DRAXIN: variants seen among roughly 807,000 people sequenced by gnomAD.
The protein encoded by DRAXIN is dorsal inhibitory axon guidance protein.
DRAXIN carries 27 observed loss-of-function variants against 33.9 expected under a neutral mutation model. The ratio of observed to expected loss-of-function variants is 0.80; its 90% confidence interval spans 0.59 to 1.10. DRAXIN has a LOEUF of 1.10. DRAXIN is among the 50% of genes least tolerant of loss of function. The pLI is 0.00. For synonymous variants in DRAXIN, 178 were observed against 194.0 expected (o/e 0.92, Z 0.69); for missense variants, 371 against 460.8 (o/e 0.81, Z 1.78).
rs1452229629 is a variant in DRAXIN at position 11,692,346 on chromosome 1, C to T, written c.-11+493C>T. 6.6e-6 allele frequency among the ~76,000 whole-genome samples: 1 copy of T among 152,106 alleles called. No homozygotes were observed. The highest frequency in any genetic ancestry group is 1.5e-5 in the Non-Finnish European group (1 of 68,012). ...GCCCCGGGCAGAGCTGGCGGGCGTG[C>T]CCTCCAGCCCCTTTCGAGGCCGCCC... On this transcript the variant is annotated intron_variant, in intron 1 of 6. Transcript: ENST00000294485. The surrounding 1 kb of genome is among the most constrained non-coding windows in gnomAD (Gnocchi z 5.8).
intron 2 of DRAXIN, among the ~76,000 whole-genome samples, chr1:11,709,053 G>C (rs1230665659): frequency 6.6e-6 from 1 of 152,200 alleles, no homozygotes; most frequent in Non-Finnish European, 1.5e-5. Context: ...TCCTTGGACT[G>C]TCTCCCCAGC....
Position 11,710,629 on chromosome 1 carries a change from T to C in DRAXIN, c.642+1164T>C, listed in dbSNP as rs114534005. 6.2e-3 allele frequency among the ~76,000 whole-genome samples: 948 copies of C among 152,134 alleles called. 6 individuals carry two copies. Among genetic ancestry groups the C allele is most frequent in the African/African-American group, 0.021 (887 of 41,480 alleles). ...ACCTCTTCTGTGGCTTTTAAAGGTT[T>C]TCAGGCCGGGCGCGGTGGCTCATGC... On this transcript the variant is annotated intron_variant, in intron 3 of 6. Transcript: ENST00000294485.
chr1:11,718,175 G>A lies in DRAXIN; in HGVS notation c.938-1409G>A, dbSNP rs184003251. On this transcript the variant is annotated intron_variant, in intron 6 of 6. Transcript: ENST00000294485. ...AAAAAAAAAATACAAAATTAGCTGG[G>A]TGTGGTGGCGCATGCCTGTAATCCC... 4.6e-3 allele frequency among the ~76,000 whole-genome samples: 699 copies of A among 150,514 alleles called. 4 individuals are homozygous for A. Among genetic ancestry groups the A allele is most frequent in the African/African-American group, 0.016 (641 of 40,864 alleles).
At chr1:11,703,364 A>G (rs1239688507) in intron 1 of DRAXIN, among the ~76,000 whole-genome samples, 1 of 152,078 alleles carries the variant, frequency 6.6e-6, no homozygotes, top group African/African-American at 2.4e-5. Flanking sequence ...ACGGAGAGAG[A>G]TGAGGGAGAG....
chr1:11,714,133 G>A (rs1641538420), intron 5 of DRAXIN, among the ~76,000 whole-genome samples: 1 of 152,166 alleles, frequency 6.6e-6, no homozygotes, highest in African/African-American at 2.4e-5. Flanking sequence ...TGAGCCTCGG[G>A]GGTCAAGGCT....
upstream of DRAXIN, chr1:11,691,565 C>A (rs912459162): frequency 6.6e-6 from 1 of 151,782 alleles, no homozygotes; most frequent in South Asian, 2.1e-4. Context: ...CTGGCGAGGG[C>A]GCGCTGGCCG....
rs973532738 is a variant in DRAXIN, at chr1:11,723,163, A to C, written c.*3467A>C. ...TTAGTTTAATTTTCTAAAACCATTTAAAAGTGCAAAAACTGCTCTTTGCTT... is the reference window on the plus strand; with the variant it reads ...TTAGTTTAATTTTCTAAAACCATTTCAAAGTGCAAAAACTGCTCTTTGCTT... On this transcript the variant is annotated 3_prime_UTR_variant, in exon 7 of 7. Transcript: ENST00000294485. 6.6e-6 allele frequency: 1 copy of C among 152,144 alleles called. No individual in the cohort carries two copies. The highest frequency in any genetic ancestry group is 6.6e-5 in the Admixed American group (1 of 15,264). The allele number at this position is 152,144 out of a possible 1,614,324, so 9.4% of individuals were successfully genotyped here.
rs1557693368 is a variant in DRAXIN, at chr1:11,715,226, TG to T, written c.937+19del. The T allele has an allele frequency of 6.2e-7, 1 of 1,614,118 alleles. No homozygotes were observed. The highest frequency in any genetic ancestry group is 1.7e-5 in the Admixed American group (1 of 60,026). On this transcript the variant is annotated intron_variant, in intron 6 of 6. Transcript: ENST00000294485. ...TGTGGAAGGTGGGTCCAGACTCCTT[TG>T]CGGGGGGCTACCCATGCTCTGAGAA...
Position 11,712,346 on chromosome 1 carries a change from A to G in DRAXIN, c.764A>G (p.His255Arg). Residue 255 changes from histidine (H) to arginine (R), a missense_variant, in exon 5 of 7, where the codon CAC becomes CGC. Coordinates refer to ENST00000294485, the MANE Select transcript of DRAXIN (RefSeq NM_198545.4). ...CAGATCTTCTTATCCCCAGAGAAAC[A>G]CCGCGGTAAACTCTCCAGTGATGGT... Reference protein sequence around the residue: ...GWPSAKKKEKHRGKLSSDGNE... With the variant: ...GWPSAKKKEKRRGKLSSDGNE... The G allele has an allele frequency of 6.2e-7, 1 of 1,613,782 alleles. No homozygotes were observed. Among genetic ancestry groups the G allele is most frequent in the Non-Finnish European group, 8.5e-7 (1 of 1,179,896 alleles).
At chr1:11,714,676 G>A (rs981085694) in intron 5 of DRAXIN, among the ~76,000 whole-genome samples, 12 of 152,234 alleles carry the variant, frequency 7.9e-5, no homozygotes, top group African/African-American at 1.9e-4. Flanking sequence ...GAAAAGGCCC[G>A]CATTTGGGCC....
chr1:11,688,943 G>C (rs185444776), upstream of DRAXIN, among the ~76,000 whole-genome samples: 275 of 152,280 alleles, frequency 1.8e-3, 1 homozygote, highest in African/African-American at 6.2e-3. This position sits in a 1 kb window ranked among gnomAD's most constrained non-coding sequence, Gnocchi z 4.6. Context: ...TCCCACCAGT[G>C]CCATGGCAGT....
chr1:11,713,215 A>G (rs1165701237), intron 5 of DRAXIN, among the ~76,000 whole-genome samples: 2 of 151,340 alleles, frequency 1.3e-5, no homozygotes, highest in African/African-American at 2.4e-5. Context: ...AAAAAAATAC[A>G]TTACTCACAA....
rs765384903 is a variant in DRAXIN, at chr1:11,706,451, A to G, written c.193A>G (p.Lys65Glu). 1.7e-5 allele frequency: 27 copies of G among 1,611,336 alleles called. No individual in the cohort carries two copies. In the South Asian group the frequency reaches 3.0e-4, roughly 18 times the overall value. The change falls in exon 2 of 7, where the codon AAG becomes GAG. Residue 65 changes from lysine (K) to glutamate (E), a missense_variant. Coordinates refer to ENST00000294485, the MANE Select transcript of DRAXIN (RefSeq NM_198545.4). This position sits in a 1 kb window ranked among gnomAD's most constrained non-coding sequence, Gnocchi z 5.5. ...CCACCGCCGGCGGGGCCCGGGCAAG[A>G]AGGAGTGGGGCCCAGGCCTGCCCAG... The part of the protein sequence containing the change: ...SHHRRRGPGK[K>E]EWGPGLPSQA...
At chr1:11,703,349 C>T (rs1012681083) in intron 1 of DRAXIN, among the ~76,000 whole-genome samples, 5 of 151,980 alleles carry the variant, frequency 3.3e-5, no homozygotes, top group African/African-American at 1.2e-4. Flanking sequence ...ATGGGCAGGA[C>T]GTGGACGGAG....
chr1:11,706,692 G>T lies in DRAXIN; in HGVS notation c.434G>T (p.Arg145Met), dbSNP rs1000667453. The change falls in exon 2 of 7, where the codon AGG (arginine) becomes ATG (methionine). Residue 145 changes from arginine to methionine, a missense_variant. Arg to Met is a moderately conservative substitution (Grantham distance 91). Coordinates refer to ENST00000294485, the MANE Select transcript of DRAXIN (RefSeq NM_198545.4). The surrounding 1 kb of genome is among the most constrained non-coding windows in gnomAD (Gnocchi z 5.5). Reference sequence around the variant, plus strand: ...AGGGAGCACAAGAGACGCAGGGACAGGTTGAGGCTGCACCAAGGTAGCTGG... The same window carrying T: ...AGGGAGCACAAGAGACGCAGGGACATGTTGAGGCTGCACCAAGGTAGCTGG... The part of the protein sequence containing the change: ...RSREHKRRRD[R>M]LRLHQGRALV... 8 of 1,581,960 alleles carry T rather than the reference G, an allele frequency of 5.1e-6. No individual in the cohort carries two copies. In the Middle Eastern group the frequency reaches 8.5e-4, roughly 167 times the overall value.
At chr1:11,689,244 G>A (rs774999900), upstream of DRAXIN, among the ~76,000 whole-genome samples, 8 of 140,476 alleles carry the variant, frequency 5.7e-5, no homozygotes, top group South Asian at 2.3e-4. Flanking sequence ...GCAGTGAGCC[G>A]AGACTGTGCC....
Position 11,724,460 on chromosome 1 carries a change from C to G in DRAXIN, c.*4764C>G, listed in dbSNP as rs1056450037. On this transcript the variant is annotated 3_prime_UTR_variant, in exon 7 of 7. Coordinates refer to ENST00000294485, the MANE Select transcript of DRAXIN (RefSeq NM_198545.4). ...CCATGCCTGCTGGGAATAGGCTGAG[C>G]ATGCAATGACATGAGGGCCAAGGCT... 1 of 152,282 alleles carries G rather than the reference C, an allele frequency of 6.6e-6. No homozygotes were observed. Among genetic ancestry groups the G allele is most frequent in the Admixed American group, 6.5e-5 (1 of 15,280 alleles). The allele number at this position is 152,282 out of a possible 1,614,324, so 9.4% of individuals were successfully genotyped here. A position where few individuals can be genotyped will look rare whatever the true frequency, so the allele number is the denominator to read the frequency against.
intron 6 of DRAXIN, 61 bp from the exon 7 acceptor site, chr1:11,719,523 G>A (rs1401878866): frequency 9.0e-6 from 13 of 1,446,614 alleles, no homozygotes; most frequent in East Asian, 4.9e-5. Context: ...GCGTGCAGGG[G>A]AAGGAAGGGG....
chr1:11,714,135 G>A (rs1410632822), intron 5 of DRAXIN, among the ~76,000 whole-genome samples: 1 of 152,160 alleles, frequency 6.6e-6, no homozygotes, highest in African/African-American at 2.4e-5. Flanking sequence ...AGCCTCGGGG[G>A]TCAAGGCTGC....
Sources: allele counts gnomAD v4.1 joint callset (sites outside exome capture counted in the v4.1 genomes callset), GRCh38; gene constraint gnomAD v4.1.1; non-coding constraint Gnocchi (gnomAD v3.1); transcripts MANE v1.5; gene names NCBI Gene and HGNC (gene_info 2026-07-23, HGNC 2026-07-21).